Variants in UTP20 observed in about 807,000 individuals in gnomAD.
UTP20 encodes UTP20 small subunit processome component, also known as small subunit processome component 20 homolog.
UTP20 carries 164 observed loss-of-function variants against 329.5 expected under a neutral mutation model. That is an observed-to-expected ratio of 0.50 (90% CI 0.44 to 0.57). The LOEUF (loss-of-function observed/expected upper bound fraction) is 0.57. Ranked by LOEUF, UTP20 falls within the 20% of genes least tolerant of loss-of-function variation. UTP20 has a pLI of 0.00. For synonymous variants in UTP20, 1,151 were observed against 1,159.3 expected (o/e 0.99, Z 0.14); for missense variants, 3,055 against 3,284.2 (o/e 0.93, Z 1.71).
At position 101,380,998 on chromosome 12, in the gene UTP20, C is replaced by G. The variant is rs906340455; in HGVS notation, c.7585-142C>G. The stretch of plus-strand genomic sequence containing the variant: ...CAGTACACCACTTCTGGTCATGAAC[C>G]TTTCCTCTCCAAATCTATACAGGTG... On this transcript the variant is annotated intron_variant, in intron 57 of 61. Transcript: ENST00000261637. The G allele has an allele frequency of 5.9e-6, 4 of 672,830 alleles. No individual in the cohort carries two copies. The South Asian group carries it at 7.2e-5, about 12-fold the overall frequency. The allele number at this position is 672,830 out of a possible 1,614,324, so 41.7% of individuals were successfully genotyped here.
chr12:101,313,758 G>T (rs1872873154), intron 21 of UTP20, among the ~76,000 whole-genome samples: 1 of 151,752 alleles, frequency 6.6e-6, no homozygotes, highest in Non-Finnish European at 1.5e-5. Flanking sequence ...GGAAGGAATG[G>T]GGGAGGGACA....
rs1870815355 is a variant in UTP20, at chr12:101,386,017, A to G, written c.8252A>G (p.Lys2751Arg). ...IAAKKKMKKH[K>R]NKSEAKKRKI... is the part of the protein sequence containing the mutation. Reference sequence around the variant, plus strand: ...GCCAAGAAAAAAATGAAGAAACACAAAAATAAAAGTGAAGCAAAGAAGAGA... The same window carrying G: ...GCCAAGAAAAAAATGAAGAAACACAGAAATAAAAGTGAAGCAAAGAAGAGA... The change falls in exon 62 of 62, where the codon AAA (lysine) becomes AGA (arginine). Residue 2751 changes from lysine (K) to arginine (R), a missense_variant. Around this residue, in one of 3 missense-constraint regions of UTP20, gnomAD observed 337 missense variants for 345.5 expected, o/e 0.98. Transcript: ENST00000261637. The G allele has an allele frequency of 2.5e-6, 4 of 1,609,122 alleles. No homozygotes were observed. In the East Asian group the frequency reaches 8.9e-5, roughly 36 times the overall value.
intron 29 of UTP20, among the ~76,000 whole-genome samples, chr12:101,337,568 A>G (rs1005315021): frequency 6.6e-6 from 1 of 152,206 alleles, no homozygotes; most frequent in Non-Finnish European, 1.5e-5. Context: ...ATCCTAATCA[A>G]TAAACGTTTG....
intron 8 of UTP20, 132 bp from the exon 9 acceptor site, chr12:101,291,610 G>A (rs2137234691): frequency 1.2e-6 from 1 of 803,972 alleles, no homozygotes; most frequent in East Asian, 3.1e-5. Flanking sequence ...TCGTTAGTGA[G>A]TCCTGGTAAA....
intron 56 of UTP20, among the ~76,000 whole-genome samples, chr12:101,377,432 G>C (rs868281210): frequency 2.0e-5 from 3 of 152,104 alleles, no homozygotes; most frequent in Middle Eastern, 3.2e-3. Flanking sequence ...CCGGGTTCAA[G>C]TGATTCTTCT....
At chr12:101,331,725 T>C (rs1309762973) in intron 27 of UTP20, among the ~76,000 whole-genome samples, 1 of 152,216 alleles carries the variant, frequency 6.6e-6, no homozygotes, top group Non-Finnish European at 1.5e-5. Context: ...ATTCACTATA[T>C]GAGAGCATTT....
rs200480666 is a variant in UTP20 at position 101,281,220 on chromosome 12, A to G, written c.126+24A>G. The G allele has an allele frequency of 2.0e-5, 32 of 1,577,532 alleles. 1 individual carries two copies. Among genetic ancestry groups the G allele is most frequent in the Middle Eastern group, 3.3e-4 (2 of 5,990 alleles). ...AGGTAAGAGAATGTGATACTAGTCA[A>G]TCTTCAAGTGTTCATGGTGTTTTAG... On this transcript the variant is annotated intron_variant, in intron 2 of 61. Coordinates refer to ENST00000261637, the MANE Select transcript of UTP20 (RefSeq NM_014503.3).
At chr12:101,361,335 G>A (rs1205812142) in intron 43 of UTP20, among the ~76,000 whole-genome samples, 1 of 151,726 alleles carries the variant, frequency 6.6e-6, no homozygotes, top group South Asian at 2.1e-4. Context: ...TAAAGTTCAG[G>A]ACTCTTGGCC....
rs752186235 is a variant in UTP20, at chr12:101,290,805, G to A, written c.808G>A (p.Gly270Arg). ...AACTCAACTACCATGGATGTTAATT[G>A]GAGAAACACTCAAAAACATGGTCAA... ...TETQLPWMLIGETLKNMVKST... is the reference protein window; with the variant it reads ...TETQLPWMLIRETLKNMVKST... Residue 270 changes from glycine to arginine, a missense_variant, in exon 8 of 62, where the codon GGA becomes AGA. Coordinates refer to ENST00000261637, the MANE Select transcript of UTP20 (RefSeq NM_014503.3). 6 of 1,613,898 alleles carry A rather than the reference G, an allele frequency of 3.7e-6. No individual in the cohort carries two copies. In the East Asian group the frequency reaches 1.1e-4, roughly 30 times the overall value.
intron 18 of UTP20, among the ~76,000 whole-genome samples, chr12:101,308,859 A>G (rs1040930628): frequency 4.0e-5 from 6 of 151,714 alleles, no homozygotes; most frequent in African/African-American, 7.3e-5. Flanking sequence ...CAGCCTCCCG[A>G]GTTGCTGGAA....
intron 27 of UTP20, among the ~76,000 whole-genome samples, chr12:101,329,868 G>A (rs902329725): frequency 2.0e-5 from 3 of 151,760 alleles, no homozygotes; most frequent in African/African-American, 4.8e-5. Context: ...AGCCAGGTGC[G>A]GTAGTGCACA....
At chr12:101,338,345 A>G in intron 30 of UTP20, 68 bp downstream of exon 30, 2 of 1,519,676 alleles carry the variant, frequency 1.3e-6, no homozygotes, top group Non-Finnish European at 1.8e-6. Context: ...TAGAAGAGAA[A>G]AAAAATCAGT....
At chr12:101,303,314 T>C (rs1363133705) in intron 15 of UTP20, among the ~76,000 whole-genome samples, 1 of 152,106 alleles carries the variant, frequency 6.6e-6, no homozygotes, top group Non-Finnish European at 1.5e-5. Flanking sequence ...GAATAAAAAG[T>C]AAACTATATA....
At chr12:101,283,965 A>G (rs1401449652) in intron 2 of UTP20, among the ~76,000 whole-genome samples, 5 of 151,978 alleles carry the variant, frequency 3.3e-5, no homozygotes, top group Non-Finnish European at 5.9e-5. Flanking sequence ...AAAGATTTCC[A>G]AAGAACAGTT....
In UTP20 at chr12:101,340,507, T is replaced by C. The variant is rs772908381; in HGVS notation, c.4014-16T>C. 25 of 1,550,622 alleles carry C rather than the reference T, an allele frequency of 1.6e-5. No homozygotes were observed. The highest frequency in any genetic ancestry group is 2.7e-5 in the African/African-American group (2 of 73,110). On this transcript the variant is annotated splice_polypyrimidine_tract_variant and intron_variant, in intron 31 of 61. Coordinates refer to ENST00000261637, the MANE Select transcript of UTP20 (RefSeq NM_014503.3). ...CTTGTATATGTTCCTTATATATCCGTTTTTTCCTTCTTTAGGATCAGCAAG... is the reference window on the plus strand; with the variant it reads ...CTTGTATATGTTCCTTATATATCCGCTTTTTCCTTCTTTAGGATCAGCAAG...
At chr12:101,298,765 T>C (rs1872438023) in intron 12 of UTP20, among the ~76,000 whole-genome samples, 1 of 152,228 alleles carries the variant, frequency 6.6e-6, no homozygotes, top group Non-Finnish European at 1.5e-5. Context: ...AAGGAATTGA[T>C]AATTAAATTA....
chr12:101,285,829 T>C lies in UTP20; in HGVS notation c.274T>C (p.Leu92=). ...TCACCAAAACGAGATAGTTCAGAGT[T>C]TGAAGACTCACCTGCAAGTTAAGAA... ...VYHQNEIVQS[L]KTHLQVKNSF... Residue 92 remains leucine, a synonymous_variant, in exon 4 of 62, where the codon TTG becomes CTG. Transcript: ENST00000261637. 1 of 1,613,910 alleles carries C rather than the reference T, an allele frequency of 6.2e-7. No homozygotes were observed. The highest frequency in any genetic ancestry group is 2.2e-5 in the East Asian group (1 of 44,834).
Position 101,366,592 on chromosome 12 carries a change from C to T in UTP20, c.6160C>T (p.Pro2054Ser). ...AGCCCCAGCACCAGATCCACGTCTA[C>T]CACCCCAGAGCTGCCTTCTGCTTCC... ...PVAPAPDPRL[P>S]PQSCLLLPPT... The change falls in exon 47 of 62, where the codon CCA becomes TCA. Residue 2054 changes from proline to serine, a missense_variant. Coordinates refer to ENST00000261637, the MANE Select transcript of UTP20 (RefSeq NM_014503.3). The T allele has an allele frequency of 6.2e-7, 1 of 1,614,134 alleles. No individual in the cohort carries two copies.
At position 101,342,509 on chromosome 12, in the gene UTP20, A is replaced by G; in HGVS notation, c.4165A>G (p.Ser1389Gly). Residue 1389 changes from serine to glycine, a missense_variant, in exon 33 of 62, where the codon AGC (serine) becomes GGC (glycine). By Grantham distance (56) the Ser-to-Gly change is moderately conservative. Around this residue, in one of 3 missense-constraint regions of UTP20, gnomAD observed 2,445 missense variants for 2,575.5 expected, o/e 0.95. Coordinates refer to ENST00000261637, the MANE Select transcript of UTP20 (RefSeq NM_014503.3). ...NLLKHCVDPT[S>G]FLKPIAKLFS... ...GTTAAAGCATTGTGTGGACCCTACA[A>G]GCTTCCTCAAGCCTATAGCAAAACT... is the stretch of plus-strand genomic sequence containing the variant. 6.2e-7 allele frequency: 1 copy of G among 1,613,580 alleles called. No homozygotes were observed. Among genetic ancestry groups the G allele is most frequent in the South Asian group, 1.1e-5 (1 of 90,998 alleles).
Sources: gnomAD v4.1 joint callset for allele counts (sites outside exome capture counted in the v4.1 genomes callset) on GRCh38, gnomAD v4.1.1 for gene constraint, gnomAD v4.1.1 regional missense constraint, MANE v1.5 for transcripts, NCBI Gene and HGNC (gene_info 2026-07-23, HGNC 2026-07-21) for gene names.